DOCK7: variants seen among roughly 807,000 people sequenced by gnomAD.
DOCK7 encodes dedicator of cytokinesis protein 7.
Under a neutral mutation model 271.0 loss-of-function variants are expected in DOCK7, and 138 were observed. That is an observed-to-expected ratio of 0.51 (90% confidence interval 0.44 to 0.59). DOCK7 has a LOEUF of 0.59. DOCK7 is among the 20% of genes least tolerant of loss of function. The pLI, the probability that DOCK7 is intolerant of heterozygous loss-of-function variation, is 0.00. For synonymous variants in DOCK7, 823 were observed against 876.1 expected, an observed-to-expected ratio of 0.94 and a Z score of 1.07; for missense variants, 2,066 against 2,592.4, an observed-to-expected ratio of 0.80 and a Z score of 4.41.
intron 2 of DOCK7, 47 bp downstream of exon 2, chr1:62,662,968 TCATGGCCTAG>T: frequency 7.2e-7 from 1 of 1,384,236 alleles, no homozygotes; most frequent in Non-Finnish European, 1.0e-6. Context: ...CACTATTTTT[TCATGGCCTAG>T]TCAATCATAC....
At chr1:62,531,375 T>C (rs954346156) in intron 29 of DOCK7, among the ~76,000 whole-genome samples, 2 of 152,222 alleles carry the variant, frequency 1.3e-5, no homozygotes, top group Non-Finnish European at 2.9e-5. Flanking sequence ...TGTAATATCC[T>C]ATTCTAGATG....
intron 34 of DOCK7, 145 bp from the exon 35 acceptor site, chr1:62,508,203 C>T (rs541722270): frequency 6.2e-5 from 44 of 707,364 alleles, no homozygotes; most frequent in Middle Eastern, 8.3e-4. Flanking sequence ...AGAAAAAAGG[C>T]AGTAGTTTAC....
At chr1:62,490,493 A>G (rs1646433189) in intron 41 of DOCK7, among the ~76,000 whole-genome samples, 1 of 152,226 alleles carries the variant, frequency 6.6e-6, no homozygotes, top group Admixed American at 6.5e-5. Context: ...ACAGATCAGC[A>G]AACATATTTT....
At position 62,456,832 on chromosome 1, in the gene DOCK7, T is replaced by C. The variant is rs1441666586; in HGVS notation, c.6380+706A>G. ...TGGAAGCAGCAAGAAGGAAAAACTT[T>C]CAAAAAGATTGAAGGGGAAACCAAA... is the stretch of plus-strand genomic sequence containing the variant. On this transcript the variant is annotated intron_variant, in intron 49 of 49. Coordinates refer to ENST00000635253, the MANE Select transcript of DOCK7 (RefSeq NM_001367561.1). Among the ~76,000 whole-genome samples, 6 of 152,068 alleles carry C rather than the reference T, an allele frequency of 3.9e-5. No individual in the cohort carries two copies. The East Asian group carries it at 1.2e-3, about 29-fold the overall frequency.
At chr1:62,618,979 A>G in intron 13 of DOCK7, 111 bp from the exon 14 acceptor site, 1 of 913,914 alleles carries the variant, frequency 1.1e-6, no homozygotes, top group Admixed American at 2.4e-5. Flanking sequence ...GAAGAATATT[A>G]CAGAAACCAA....
At chr1:62,651,548 C>T (rs1449393291) in intron 4 of DOCK7, among the ~76,000 whole-genome samples, 1 of 150,250 alleles carries the variant, frequency 6.7e-6, no homozygotes, top group Admixed American at 6.6e-5. Context: ...TCTGTGGCTT[C>T]ATCTTATAGC....
At chr1:62,605,496 CACTATACCTT>C (rs1650855442) in intron 14 of DOCK7, 1 of 152,472 alleles carries the variant, frequency 6.6e-6, no homozygotes, top group African/African-American at 2.4e-5. Flanking sequence ...CATGAGGTAT[CACTATACCTT>C]ATTTGTTAAA....
At chr1:62,633,671 G>T in intron 9 of DOCK7, 93 bp from the exon 10 acceptor site, 1 of 810,394 alleles carries the variant, frequency 1.2e-6, no homozygotes, top group South Asian at 1.6e-5. Context: ...CACATTAACA[G>T]AATGACAGAA....
intron 16 of DOCK7, among the ~76,000 whole-genome samples, chr1:62,581,669 A>G (rs191365822): frequency 6.6e-6 from 1 of 152,314 alleles, no homozygotes; most frequent in East Asian, 1.9e-4. Context: ...AGAAAACAAT[A>G]TATTAAGAAT....
At chr1:62,644,806 C>T (rs1656444575) in intron 7 of DOCK7, among the ~76,000 whole-genome samples, 1 of 152,092 alleles carries the variant, frequency 6.6e-6, no homozygotes, top group African/African-American at 2.4e-5. Context: ...TCAAGTTCTT[C>T]CTCACTTTAA....
At chr1:62,650,484 A>C (rs1307594664) in intron 4 of DOCK7, among the ~76,000 whole-genome samples, 1 of 152,236 alleles carries the variant, frequency 6.6e-6, no homozygotes, top group Non-Finnish European at 1.5e-5. Flanking sequence ...CAGCAAAAGA[A>C]ACTACCATCA....
intron 30 of DOCK7, 89 bp from the exon 31 acceptor site, chr1:62,528,394 CTTG>C: frequency 1.6e-6 from 2 of 1,226,732 alleles, no homozygotes; most frequent in Non-Finnish European, 2.2e-6. Context: ...AAAAGAATAA[CTTG>C]TTGACATGTT....
chr1:62,642,662 T>G (rs1011653263), intron 7 of DOCK7, among the ~76,000 whole-genome samples: 1 of 152,216 alleles, frequency 6.6e-6, no homozygotes, highest in Non-Finnish European at 1.5e-5. Flanking sequence ...GATTTTGTTC[T>G]ATCTTAATTA....
At chr1:62,507,206 C>T (rs947463692) in intron 35 of DOCK7, among the ~76,000 whole-genome samples, 10 of 151,834 alleles carry the variant, frequency 6.6e-5, no homozygotes, top group South Asian at 2.1e-4. Flanking sequence ...ATTGTAATAG[C>T]GTGGAAATAT....
Position 62,516,624 on chromosome 1 carries a change from T to C in DOCK7, c.3937-2726A>G, listed in dbSNP as rs1255810133. 3.3e-5 allele frequency among the ~76,000 whole-genome samples: 5 copies of C among 152,302 alleles called. No homozygotes were observed. The East Asian group carries it at 9.6e-4, about 29-fold the overall frequency. ...CAAGATTCATACCTCTCCTTCATAT[T>C]ATAACAACCAGAGCTTCACGATTAC... On this transcript the variant is annotated intron_variant, in intron 31 of 49. Transcript: ENST00000635253.
At position 62,636,027 on chromosome 1, in the gene DOCK7, C is replaced by A. The variant is rs1363983962; in HGVS notation, c.885+510G>T. Among the ~76,000 whole-genome samples, 3 of 152,244 alleles carry A rather than the reference C, an allele frequency of 2.0e-5. No homozygotes were observed. In the East Asian group the frequency reaches 5.8e-4, roughly 29 times the overall value. ...CAGCACTTTGGGAGGCCAAGATGGGCGGATCACGAGGTCAGAAGATCGAGA... is the reference window on the plus strand; with the variant it reads ...CAGCACTTTGGGAGGCCAAGATGGGAGGATCACGAGGTCAGAAGATCGAGA... On this transcript the variant is annotated intron_variant, in intron 8 of 49. Coordinates refer to ENST00000635253, the MANE Select transcript of DOCK7 (RefSeq NM_001367561.1).
At chr1:62,637,271 T>C (rs1655394468) in intron 7 of DOCK7, among the ~76,000 whole-genome samples, 1 of 152,220 alleles carries the variant, frequency 6.6e-6, no homozygotes, top group African/African-American at 2.4e-5. Context: ...CAAAATTGTA[T>C]ACTTAATTGA....
At chr1:62,574,724 A>T (rs562082012) in intron 18 of DOCK7, among the ~76,000 whole-genome samples, 1 of 151,668 alleles carries the variant, frequency 6.6e-6, no homozygotes, top group East Asian at 1.9e-4. Context: ...ACATAGAAAT[A>T]TTTTTTTTCT....
chr1:62,625,219 A>G, intron 12 of DOCK7, 40 bp downstream of exon 12: 1 of 1,604,420 alleles, frequency 6.2e-7, no homozygotes, highest in African/African-American at 1.3e-5. Context: ...AAATTTATGC[A>G]CAAACATCTC....
Sources: allele counts gnomAD v4.1 joint callset (sites outside exome capture counted in the v4.1 genomes callset), GRCh38; gene constraint gnomAD v4.1.1; transcripts MANE v1.5; gene names NCBI Gene and HGNC (gene_info 2026-07-23, HGNC 2026-07-21).